TANC1: variants seen among roughly 807,000 people sequenced by gnomAD.
TANC1 encodes protein TANC1.
Under a neutral mutation model 149.7 loss-of-function variants are expected in TANC1, and 77 were observed. That is an observed-to-expected ratio of 0.51 (90% CI 0.43 to 0.62). TANC1 has a LOEUF of 0.62. Among genes scored for constraint, TANC1 ranks in the 20% least tolerant of loss-of-function variants. The pLI, the probability that TANC1 is intolerant of heterozygous loss-of-function variation, is 0.00. For missense variants in TANC1, 1,985 were observed against 2,321.8 expected (o/e 0.85, Z 2.98); for synonymous variants, 854 against 925.0 (o/e 0.92, Z 1.39).
Position 159,181,851 on chromosome 2 carries a change from A to G in TANC1, c.2510+2688A>G, listed in dbSNP as rs144817711. ...TCTCTTCTTTCCTTTCTTCTCTCTT[A>G]GTTTTGATTATGCCCTAGGTTAGCA... On this transcript the variant is annotated intron_variant, in intron 14 of 26. Transcript: ENST00000263635. Among the ~76,000 whole-genome samples the G allele has an allele frequency of 4.2e-3, 641 of 152,188 alleles. 5 individuals are homozygous for G. Among genetic ancestry groups the G allele is most frequent in the Non-Finnish European group, 6.7e-3 (458 of 68,022 alleles).
intron 16 of TANC1, among the ~76,000 whole-genome samples, chr2:159,187,889 A>G (rs1197573690): frequency 1.3e-5 from 2 of 152,256 alleles, no homozygotes; most frequent in Non-Finnish European, 2.9e-5. Flanking sequence ...CTGGGCATAG[A>G]ATTTATTTTA....
intron 4 of TANC1, among the ~76,000 whole-genome samples, chr2:159,105,313 A>C (rs2047071984): frequency 2.6e-5 from 4 of 152,048 alleles, no homozygotes; most frequent in Admixed American, 2.6e-4. Flanking sequence ...CTTTTTAAAA[A>C]AATTAGCATG....
chr2:159,188,948 C>T (rs2057235396), intron 16 of TANC1, among the ~76,000 whole-genome samples: 1 of 152,234 alleles, frequency 6.6e-6, no homozygotes, highest in South Asian at 2.1e-4. Flanking sequence ...CAGGTTCCTT[C>T]AGCACAGTGC....
intron 4 of TANC1, among the ~76,000 whole-genome samples, chr2:159,098,969 G>T (rs2046403531): frequency 6.6e-6 from 1 of 152,114 alleles, no homozygotes; most frequent in African/African-American, 2.4e-5. Flanking sequence ...CTAGGGCTGT[G>T]AAATGGTATC....
In TANC1 at chr2:159,181,394, TC is replaced by T. The variant is rs566315968; in HGVS notation, c.2510+2232del. Reference sequence around the variant, plus strand: ...CACTGCAGGCTCCGCCCCCTGGGGTTCACACCATTCTCCTGCCTCAGCCTTC... The same window carrying T: ...CACTGCAGGCTCCGCCCCCTGGGGTTACACCATTCTCCTGCCTCAGCCTTC... On this transcript the variant is annotated intron_variant, in intron 14 of 26. Coordinates refer to ENST00000263635, the MANE Select transcript of TANC1 (RefSeq NM_033394.3). 6.8e-4 allele frequency among the ~76,000 whole-genome samples: 103 copies of T among 152,174 alleles called. 1 individual carries two copies. Among genetic ancestry groups the T allele is most frequent in the African/African-American group, 2.2e-3 (93 of 41,522 alleles).
intron 1 of TANC1, among the ~76,000 whole-genome samples, chr2:158,982,261 C>T (rs968030941): frequency 6.6e-6 from 1 of 152,168 alleles, no homozygotes; most frequent in Non-Finnish European, 1.5e-5. Context: ...GTGACTTGGA[C>T]AGAGTAGGTA....
intron 2 of TANC1, among the ~76,000 whole-genome samples, chr2:159,007,751 A>G (rs941059095): frequency 6.6e-6 from 1 of 152,218 alleles, no homozygotes. Context: ...ATCTTTCAGA[A>G]GTGAAGAAGT....
At chr2:159,207,440 G>A (rs925592041) in intron 19 of TANC1, among the ~76,000 whole-genome samples, 6 of 152,258 alleles carry the variant, frequency 3.9e-5, no homozygotes, top group Admixed American at 1.3e-4. Context: ...AGTGGCTCAC[G>A]CCTGTAATCC....
At chr2:159,193,517 AT>A (rs1275797258) in intron 16 of TANC1, among the ~76,000 whole-genome samples, 1 of 151,966 alleles carries the variant, frequency 6.6e-6, no homozygotes, top group East Asian at 1.9e-4. Flanking sequence ...TTCTATTGTT[AT>A]TTTTTGTTGT....
At chr2:159,183,473 G>A (rs2056683568) in intron 14 of TANC1, among the ~76,000 whole-genome samples, 1 of 152,174 alleles carries the variant, frequency 6.6e-6, no homozygotes, top group Non-Finnish European at 1.5e-5. Context: ...GGCTTCCAGG[G>A]CGTGGAGGAG....
intron 2 of TANC1, among the ~76,000 whole-genome samples, chr2:159,012,008 G>A (rs2037821469): frequency 6.6e-6 from 1 of 152,126 alleles, no homozygotes; most frequent in Non-Finnish European, 1.5e-5. Context: ...AGTCACTAGA[G>A]CTTCTAGGAA....
chr2:159,080,566 T>G (rs911809003), intron 3 of TANC1, among the ~76,000 whole-genome samples: 1 of 152,158 alleles, frequency 6.6e-6, no homozygotes, highest in Non-Finnish European at 1.5e-5. Context: ...ATATTTCCTA[T>G]GTAAAATCTG....
intron 2 of TANC1, among the ~76,000 whole-genome samples, chr2:159,065,294 A>G (rs1236776076): frequency 1.1e-4 from 16 of 152,168 alleles, no homozygotes; most frequent in Admixed American, 1.0e-3. Flanking sequence ...CCCCAAAGTT[A>G]TAACTTCCTA....
At chr2:159,191,057 A>C (rs1391396785) in intron 16 of TANC1, among the ~76,000 whole-genome samples, 1 of 152,150 alleles carries the variant, frequency 6.6e-6, no homozygotes, top group Non-Finnish European at 1.5e-5. Flanking sequence ...ATTCCTCCAC[A>C]AGTACAAGTT....
intron 5 of TANC1, among the ~76,000 whole-genome samples, chr2:159,136,995 C>CTTTA (rs2050835097): frequency 1.3e-5 from 2 of 152,066 alleles, no homozygotes; most frequent in Non-Finnish European, 1.5e-5. Flanking sequence ...TCTCTCTTGC[C>CTTTA]TTTAATTTGG....
intron 14 of TANC1, among the ~76,000 whole-genome samples, chr2:159,182,338 A>C (rs189963062): frequency 5.9e-5 from 9 of 152,334 alleles, no homozygotes; most frequent in Admixed American, 5.9e-4. Flanking sequence ...TTTTACTTTA[A>C]ATAACTGAAT....
At chr2:159,151,207 A>G (rs960483003) in intron 7 of TANC1, among the ~76,000 whole-genome samples, 1 of 152,236 alleles carries the variant, frequency 6.6e-6, no homozygotes, top group African/African-American at 2.4e-5. Context: ...AAGGATTTTG[A>G]TTAATCCAGT....
intron 4 of TANC1, 37 bp from the exon 5 acceptor site, chr2:159,136,157 G>GA: frequency 7.9e-7 from 1 of 1,273,788 alleles, no homozygotes; most frequent in Non-Finnish European, 1.2e-6. Context: ...TTTGCATCTG[G>GA]AAAAAATTAG....
At chr2:159,019,049 G>A (rs1195092232) in intron 2 of TANC1, among the ~76,000 whole-genome samples, 1 of 152,198 alleles carries the variant, frequency 6.6e-6, no homozygotes, top group Non-Finnish European at 1.5e-5. Context: ...AGCTCTGTGA[G>A]GTAGATACCA....
Sources: allele counts gnomAD v4.1 joint callset (sites outside exome capture counted in the v4.1 genomes callset), GRCh38; gene constraint gnomAD v4.1.1; transcripts MANE v1.5; gene names NCBI Gene and HGNC (gene_info 2026-07-23, HGNC 2026-07-21).